The following LRRC4C variants were observed in gnomAD, a reference collection of about 807,000 sequenced individuals.
LRRC4C encodes leucine-rich repeat-containing protein 4C.
Under a neutral mutation model 33.6 loss-of-function variants are expected in LRRC4C, and 5 were observed. The ratio of observed to expected loss-of-function variants is 0.15; its 90% confidence interval spans 0.08 to 0.31. The LOEUF is 0.31. Among genes scored for constraint, LRRC4C ranks in the 10% least tolerant of loss-of-function variants. LRRC4C has a pLI of 1.00. For synonymous variants in LRRC4C, 329 were observed against 302.0 expected (o/e 1.09, Z -0.93); for missense variants, 560 against 796.7 (o/e 0.70, Z 3.58).
In LRRC4C at chr11:41,098,372, A is replaced by C. The variant is rs1300202637; in HGVS notation, c.-495-164649T>G. 2.0e-5 allele frequency among the ~76,000 whole-genome samples: 3 copies of C among 152,230 alleles called. No individual in the cohort carries two copies. The East Asian group carries it at 5.8e-4, about 29-fold the overall frequency. On this transcript the variant is annotated intron_variant, in intron 1 of 6. Coordinates refer to ENST00000528697, the MANE Select transcript of LRRC4C (RefSeq NM_001258419.2). ...TAGCTTCAATTTTTAAATTATTGTA[A>C]TCTAAAATTATCTGATGTCTCTTTT...
At chr11:41,165,060 G>T (rs187106443) in intron 1 of LRRC4C, among the ~76,000 whole-genome samples, 1 of 152,096 alleles carries the variant, frequency 6.6e-6, no homozygotes, top group Non-Finnish European at 1.5e-5. Flanking sequence ...TTAGTGCAAC[G>T]TGACGTTTTG....
intron 5 of LRRC4C, among the ~76,000 whole-genome samples, chr11:40,219,740 T>TCGGGG (rs1565150159): frequency 6.9e-6 from 1 of 144,462 alleles, no homozygotes; most frequent in Admixed American, 6.9e-5. Context: ...GGGGAAGAAA[T>TCGGGG]TGGGGGGGTG....
At chr11:40,199,157 G>C (rs1033664124) in intron 5 of LRRC4C, among the ~76,000 whole-genome samples, 1 of 152,146 alleles carries the variant, frequency 6.6e-6, no homozygotes, top group Non-Finnish European at 1.5e-5. Context: ...AGCAACCTCT[G>C]CCTTCTGGGT....
intron 1 of LRRC4C, among the ~76,000 whole-genome samples, chr11:41,019,303 G>A (rs999299607): frequency 1.3e-5 from 2 of 152,166 alleles, no homozygotes; most frequent in African/African-American, 4.8e-5. Context: ...AGTTTGCTTA[G>A]GAGGATGGCT....
Position 40,321,814 on chromosome 11 carries a change from G to A in LRRC4C, c.-269-2093C>T, listed in dbSNP as rs532466384. Among the ~76,000 whole-genome samples the A allele has an allele frequency of 9.9e-5, 15 of 152,208 alleles. No homozygotes were observed. The South Asian group carries it at 3.1e-3, about 32-fold the overall frequency. On this transcript the variant is annotated intron_variant, in intron 3 of 6. Coordinates refer to ENST00000528697, the MANE Select transcript of LRRC4C (RefSeq NM_001258419.2). ...CTAATTTTTGCATTCCATTTCAATT[G>A]TATGTTCAGGGGAACAAAATGATGT...
chr11:40,172,046 G>A (rs76404044), intron 5 of LRRC4C, among the ~76,000 whole-genome samples: 12,789 of 152,108 alleles, frequency 0.084, 626 homozygotes, highest in South Asian at 0.15. Context: ...AAAGGAGTCC[G>A]TTTGCTTTCT....
chr11:40,250,662 C>T (rs374821606), intron 4 of LRRC4C, among the ~76,000 whole-genome samples: 1 of 151,964 alleles, frequency 6.6e-6, no homozygotes, highest in East Asian at 1.9e-4. Flanking sequence ...TCGCTTGAAC[C>T]CAGGGGAAAG....
At chr11:40,800,970 C>T (rs764824235) in intron 2 of LRRC4C, among the ~76,000 whole-genome samples, 21 of 152,080 alleles carry the variant, frequency 1.4e-4, no homozygotes, top group Non-Finnish European at 2.8e-4. Flanking sequence ...TTCTTCACTA[C>T]CTTGCCTTCC....
intron 1 of LRRC4C, among the ~76,000 whole-genome samples, chr11:41,255,547 G>T (rs1948772318): frequency 6.6e-6 from 1 of 151,830 alleles, no homozygotes; most frequent in African/African-American, 2.4e-5. Flanking sequence ...ATCTTTTTCT[G>T]TATTCATTTT....
chr11:40,167,476 C>T (rs1282169992), intron 5 of LRRC4C, among the ~76,000 whole-genome samples: 1 of 152,110 alleles, frequency 6.6e-6, no homozygotes, highest in Non-Finnish European at 1.5e-5. Flanking sequence ...ACATTAGTCA[C>T]TAATACAAGG....
At chr11:40,776,050 A>T (rs1217629717) in intron 2 of LRRC4C, among the ~76,000 whole-genome samples, 1 of 148,116 alleles carries the variant, frequency 6.8e-6, no homozygotes, top group Admixed American at 6.6e-5. Context: ...TTTGCTCTTA[A>T]TTCTGTATAT....
At chr11:40,458,319 A>G (rs1952230866) in intron 3 of LRRC4C, among the ~76,000 whole-genome samples, 1 of 152,152 alleles carries the variant, frequency 6.6e-6, no homozygotes, top group Admixed American at 6.6e-5. Flanking sequence ...ATGCAATTCC[A>G]TTATGCCTAT....
intron 3 of LRRC4C, among the ~76,000 whole-genome samples, chr11:40,336,075 A>T (rs917579220): frequency 6.6e-6 from 1 of 152,206 alleles, no homozygotes; most frequent in African/African-American, 2.4e-5. Flanking sequence ...TAAGTTCAAT[A>T]TAGAGTTTTT....
At chr11:41,168,748 AG>A (rs1294454612) in intron 1 of LRRC4C, among the ~76,000 whole-genome samples, 2 of 151,948 alleles carry the variant, frequency 1.3e-5, no homozygotes, top group African/African-American at 4.9e-5. Context: ...TACTTTTCAC[AG>A]GGGTAGCTCA....
At chr11:41,187,280 T>C (rs1297099428) in intron 1 of LRRC4C, among the ~76,000 whole-genome samples, 3 of 152,058 alleles carry the variant, frequency 2.0e-5, no homozygotes, top group Non-Finnish European at 2.9e-5. Context: ...TCTGTACAAA[T>C]CCCGAGGCTG....
intron 3 of LRRC4C, among the ~76,000 whole-genome samples, chr11:40,396,806 G>A (rs16934791): frequency 0.039 from 5,922 of 151,980 alleles, 370 homozygotes; most frequent in African/African-American, 0.13. Context: ...ATGCAAACAC[G>A]TTCCAGTGAC....
intron 2 of LRRC4C, among the ~76,000 whole-genome samples, chr11:40,696,750 A>ATGTATATATATATATATCTGAG (rs577065023): frequency 1.5e-5 from 1 of 66,978 alleles, no homozygotes; most frequent in Non-Finnish European, 3.4e-5. Context: ...TACACTGTGT[A>ATGTATATATATATATATCTGAG]TATATATATA....
intron 2 of LRRC4C, among the ~76,000 whole-genome samples, chr11:40,751,235 C>T (rs546922037): frequency 7.9e-5 from 12 of 152,274 alleles, no homozygotes; most frequent in Non-Finnish European, 1.6e-4. Context: ...TTTTACCACT[C>T]TGATTCTACA....
intron 1 of LRRC4C, among the ~76,000 whole-genome samples, chr11:41,231,837 A>G (rs1422186591): frequency 6.6e-6 from 1 of 151,940 alleles, no homozygotes; most frequent in African/African-American, 2.4e-5. Flanking sequence ...ATGTATATAT[A>G]TACACACATA....
Sources: allele counts gnomAD v4.1 joint callset (sites outside exome capture counted in the v4.1 genomes callset), GRCh38; gene constraint gnomAD v4.1.1; transcripts MANE v1.5; gene names NCBI Gene and HGNC (gene_info 2026-07-23, HGNC 2026-07-21).